Variants in NRDC observed in about 807,000 individuals in gnomAD.
The protein encoded by NRDC is nardilysin.
NRDC carries 54 observed loss-of-function variants against 147.1 expected under a neutral mutation model. That is an observed-to-expected ratio of 0.37 (90% CI 0.29 to 0.46). The LOEUF (loss-of-function observed/expected upper bound fraction) is 0.46, where lower values mean the gene tolerates loss of function less well. NRDC is among the 20% of genes least tolerant of loss of function. NRDC has a pLI of 1.00. For missense variants in NRDC, 1,082 were observed against 1,370.6 expected, an observed-to-expected ratio of 0.79 and a Z score of 3.33; for synonymous variants, 440 against 482.1, an observed-to-expected ratio of 0.91 and a Z score of 1.14.
At position 51,805,262 on chromosome 1, in the gene NRDC, G is replaced by A. The variant is rs772709838; in HGVS notation, c.2162+248C>T. 2.2e-4 allele frequency among the ~76,000 whole-genome samples: 34 copies of A among 152,130 alleles called. 1 individual carries two copies. The highest frequency in any genetic ancestry group is 3.2e-4 in the Non-Finnish European group (22 of 68,024). ...GGACTTTTCCCCATCCAGTAACTGG[G>A]AACTAATTGCTCTAGTCTACACTAT... On this transcript the variant is annotated intron_variant, in intron 19 of 30. Transcript: ENST00000352171.
At chr1:51,825,841 G>A (rs1384521186) in intron 5 of NRDC, among the ~76,000 whole-genome samples, 1 of 152,216 alleles carries the variant, frequency 6.6e-6, no homozygotes, top group East Asian at 1.9e-4. Context: ...GCTAAAGACT[G>A]AATGTTTGTG....
At chr1:51,869,103 C>A (rs1274415355) in intron 1 of NRDC, among the ~76,000 whole-genome samples, 1 of 151,970 alleles carries the variant, frequency 6.6e-6, no homozygotes, top group Non-Finnish European at 1.5e-5. Flanking sequence ...GTGCACACCA[C>A]CAAGCCCAGC....
intron 2 of NRDC, chr1:51,837,746 T>G: frequency 1.5e-6 from 1 of 652,890 alleles, no homozygotes; most frequent in Non-Finnish European, 2.2e-6. Context: ...ATATTCAAAT[T>G]TCAACCTTGT....
rs1313050960 is a variant in NRDC, at chr1:51,790,943, T to C, written c.3008A>G (p.Glu1003Gly). The change falls in exon 28 of 31, where the codon GAG becomes GGG. Residue 1003 changes from glutamate (E) to glycine (G), a missense_variant. Glu to Gly is a moderately conservative substitution (Grantham distance 98, BLOSUM62 -2). Coordinates refer to ENST00000352171, the MANE Select transcript of NRDC (RefSeq NM_001101662.2). ...TTCAGTGAGGTTCTCAATCTTCTCC[T>C]CAAAGCTAGAAAGAAACTCTTCTAT... ...KKIEEFLSSF[E>G]EKIENLTEEA... 27 of 1,613,920 alleles carry C rather than the reference T, an allele frequency of 1.7e-5. No individual in the cohort carries two copies. The highest frequency in any genetic ancestry group is 2.0e-5 in the Non-Finnish European group (24 of 1,179,882).
At chr1:51,849,340 G>A (rs914633697) in intron 1 of NRDC, among the ~76,000 whole-genome samples, 17 of 151,910 alleles carry the variant, frequency 1.1e-4, no homozygotes, top group African/African-American at 3.9e-4. Flanking sequence ...GCGTGAACTC[G>A]GGAGGCGGAG....
intron 1 of NRDC, among the ~76,000 whole-genome samples, chr1:51,873,477 A>ATTTT (rs1272905286): frequency 4.0e-5 from 5 of 125,964 alleles, no homozygotes; most frequent in Non-Finnish European, 8.5e-5. Flanking sequence ...AATATATGGA[A>ATTTT]TTTTTATTTA....
chr1:51,791,534 A>G (rs1678655369), intron 27 of NRDC, 44 bp downstream of exon 27: 1 of 1,478,930 alleles, frequency 6.8e-7, no homozygotes, highest in Non-Finnish European at 9.5e-7. Flanking sequence ...CCTACTCTCC[A>G]TGTCCATAAT....
At chr1:51,817,698 C>T (rs185004327) in intron 10 of NRDC, among the ~76,000 whole-genome samples, 171 of 152,316 alleles carry the variant, frequency 1.1e-3, no homozygotes, top group Middle Eastern at 6.8e-3. Flanking sequence ...TGTGCCACCA[C>T]GCCTTGGCTA....
At chr1:51,867,908 A>G (rs967317141) in intron 1 of NRDC, among the ~76,000 whole-genome samples, 1 of 152,212 alleles carries the variant, frequency 6.6e-6, no homozygotes, top group Non-Finnish European at 1.5e-5. Flanking sequence ...AAGAATAAAG[A>G]AATTTTCTCT....
chr1:51,789,743 G>A, intron 29 of NRDC, 86 bp from the exon 30 acceptor site: 1 of 919,976 alleles, frequency 1.1e-6, no homozygotes, highest in South Asian at 1.4e-5. Flanking sequence ...CCCTGGACCT[G>A]CTTAGCATCT....
intron 22 of NRDC, among the ~76,000 whole-genome samples, chr1:51,797,598 T>G (rs1387058241): frequency 1.3e-5 from 2 of 152,202 alleles, no homozygotes; most frequent in Non-Finnish European, 2.9e-5. Flanking sequence ...TATCCGTATG[T>G]ATGCACACAC....
chr1:51,878,173 C>T (rs770437897), intron 1 of NRDC, 102 bp downstream of exon 1: 34 of 1,448,998 alleles, frequency 2.3e-5, no homozygotes, highest in Non-Finnish European at 3.2e-5. Context: ...GGAAAGTGTG[C>T]CCTGTTGCTC....
intron 9 of NRDC, among the ~76,000 whole-genome samples, chr1:51,818,607 A>G (rs1680075115): frequency 6.6e-6 from 1 of 152,240 alleles, no homozygotes; most frequent in African/African-American, 2.4e-5. Flanking sequence ...GAGGAAACCT[A>G]AAACCAGAAA....
chr1:51,791,902 T>C, intron 26 of NRDC, 144 bp downstream of exon 26: 1 of 876,258 alleles, frequency 1.1e-6, no homozygotes, highest in Non-Finnish European at 1.8e-6. Flanking sequence ...AAGATACAAA[T>C]TCCAAAAGTT....
At chr1:51,866,252 A>G (rs542560126) in intron 1 of NRDC, among the ~76,000 whole-genome samples, 11 of 152,286 alleles carry the variant, frequency 7.2e-5, no homozygotes, top group African/African-American at 2.4e-4. Context: ...AACTAACAGT[A>G]TCAATAACTG....
intron 13 of NRDC, 55 bp downstream of exon 13, chr1:51,814,496 A>G (rs914115082): frequency 1.9e-6 from 3 of 1,543,856 alleles, no homozygotes; most frequent in Non-Finnish European, 2.7e-6. Context: ...GGCAGCCTGA[A>G]GCCTCAAATA....
intron 29 of NRDC, 41 bp downstream of exon 29, chr1:51,790,492 C>A (rs756554492): frequency 2.3e-6 from 3 of 1,291,408 alleles, no homozygotes; most frequent in Non-Finnish European, 3.4e-6. Flanking sequence ...AATCAGGAAC[C>A]TTGACCAGTT....
chr1:51,856,344 A>C (rs1277956843), intron 1 of NRDC, among the ~76,000 whole-genome samples: 4 of 152,206 alleles, frequency 2.6e-5, no homozygotes, highest in African/African-American at 4.8e-5. Context: ...TGGAAATAGC[A>C]TCAGATCCCC....
chr1:51,790,509 G>T (rs1330253798), intron 29 of NRDC, 24 bp downstream of exon 29: 2 of 1,458,766 alleles, frequency 1.4e-6, no homozygotes, highest in Non-Finnish European at 1.9e-6. Flanking sequence ...AGTTTGAGCT[G>T]TCTTACTCTG....
Sources: gnomAD v4.1 joint callset for allele counts (sites outside exome capture counted in the v4.1 genomes callset) on GRCh38, gnomAD v4.1.1 for gene constraint, MANE v1.5 for transcripts, NCBI Gene and HGNC (gene_info 2026-07-23, HGNC 2026-07-21) for gene names.